Variants in ATXN1 observed in about 807,000 individuals in gnomAD.
The protein encoded by ATXN1 is ataxin 1, also known as ataxin-1.
Under a neutral mutation model 56.4 loss-of-function variants are expected in ATXN1, and 8 were observed. The ratio of observed to expected loss-of-function variants is 0.14; its 90% CI spans 0.08 to 0.26. The LOEUF is 0.26. ATXN1 is among the 10% of genes least tolerant of loss of function. ATXN1 has a pLI of 1.00. For synonymous variants in ATXN1, 514 were observed against 494.6 expected (o/e 1.04, Z -0.52); for missense variants, 987 against 1,106.5 (o/e 0.89, Z 1.53).
intron 6 of ATXN1, among the ~76,000 whole-genome samples, chr6:16,480,123 G>A (rs1315169034): frequency 4.7e-5 from 6 of 126,944 alleles, no homozygotes; most frequent in Non-Finnish European, 3.1e-5. Flanking sequence ...CTGCCCTCCA[G>A]CCTGGGCAAC....
chr6:16,739,246 C>T (rs1373611016), intron 2 of ATXN1: 1 of 151,232 alleles, frequency 6.6e-6, no homozygotes, highest in Non-Finnish European at 1.5e-5. Context: ...TAAAATAAGC[C>T]CTGCTATTTA....
intron 5 of ATXN1, among the ~76,000 whole-genome samples, chr6:16,521,072 G>A (rs1398739512): frequency 6.6e-6 from 1 of 152,144 alleles, no homozygotes; most frequent in Non-Finnish European, 1.5e-5. Flanking sequence ...AGTGCACTTA[G>A]TTCACCAACC....
At chr6:16,386,138 T>C (rs542258416) in intron 6 of ATXN1, among the ~76,000 whole-genome samples, 2 of 152,332 alleles carry the variant, frequency 1.3e-5, no homozygotes, top group Admixed American at 6.5e-5. Context: ...ATCATTATTA[T>C]TTTTTCCAGC....
chr6:16,650,828 C>G (rs1248188827), intron 3 of ATXN1, among the ~76,000 whole-genome samples: 1 of 152,138 alleles, frequency 6.6e-6, no homozygotes, highest in Non-Finnish European at 1.5e-5. Context: ...CGTCGTTTTC[C>G]TTTTTCTGTC....
At chr6:16,452,938 G>A (rs1581772950) in intron 6 of ATXN1, among the ~76,000 whole-genome samples, 1 of 152,258 alleles carries the variant, frequency 6.6e-6, no homozygotes, top group East Asian at 1.9e-4. Context: ...TTTTTTAAAA[G>A]GTTTAGGAAT....
chr6:16,494,211 G>A (rs1170023694), intron 5 of ATXN1, among the ~76,000 whole-genome samples: 1 of 152,162 alleles, frequency 6.6e-6, no homozygotes, highest in Non-Finnish European at 1.5e-5. Flanking sequence ...AGGTCAGCGT[G>A]GGAGGTAGGC....
At chr6:16,554,050 A>G (rs1761968030) in intron 4 of ATXN1, among the ~76,000 whole-genome samples, 1 of 152,238 alleles carries the variant, frequency 6.6e-6, no homozygotes, top group South Asian at 2.1e-4. Flanking sequence ...ATTTTAAAGA[A>G]GAAGATATCT....
intron 4 of ATXN1, among the ~76,000 whole-genome samples, chr6:16,575,518 A>G (rs1339360189): frequency 6.6e-6 from 1 of 152,154 alleles, no homozygotes; most frequent in African/African-American, 2.4e-5. Flanking sequence ...ATATTCTACC[A>G]TTTCAGAGCA....
intron 6 of ATXN1, among the ~76,000 whole-genome samples, chr6:16,402,731 A>T (rs1353924541): frequency 6.6e-6 from 1 of 152,174 alleles, no homozygotes; most frequent in East Asian, 1.9e-4. Flanking sequence ...AGGAGCAGAG[A>T]ACATCTGGTG....
At chr6:16,569,710 A>G (rs1762296924) in intron 4 of ATXN1, among the ~76,000 whole-genome samples, 1 of 152,120 alleles carries the variant, frequency 6.6e-6, no homozygotes, top group Non-Finnish European at 1.5e-5. Context: ...AGTTGTTGAA[A>G]AAACAGTTTC....
At chr6:16,432,887 A>C (rs1304167207) in intron 6 of ATXN1, 2 of 152,164 alleles carry the variant, frequency 1.3e-5, no homozygotes, top group African/African-American at 2.4e-5. Flanking sequence ...TCAATCTCTC[A>C]AAACTAATGT....
chr6:16,327,678 A>ATGCTGCTGCTGC lies in ATXN1; in HGVS notation c.632_633insGCAGCAGCAGCA (p.Gln210_His211insGlnGlnGlnGln), dbSNP rs1554138052. On this transcript the variant is annotated inframe_insertion, in exon 7 of 8. Coordinates refer to ENST00000436367, the MANE Select transcript of ATXN1 (RefSeq NM_001128164.2). ...GCTGCTGCTGCTGCTGCTGCTGCTGATGCTGATGCTGCTGCTGCTGCTGCT... is the reference window on the plus strand; with the variant it reads ...GCTGCTGCTGCTGCTGCTGCTGCTGATGCTGCTGCTGCTGCTGATGCTGCTGCTGCTGCTGCT... 7.1e-5 allele frequency: 72 copies of ATGCTGCTGCTGC among 1,011,338 alleles called. No homozygotes were observed. The African/African-American group carries it at 1.3e-3, about 18-fold the overall frequency. 62.6% of individuals were successfully genotyped at this position (1,011,338 alleles called of 1,614,324 possible). A position where few individuals can be genotyped will look rare whatever the true frequency, so the allele number is the denominator to read the frequency against.
intron 6 of ATXN1, among the ~76,000 whole-genome samples, chr6:16,343,189 G>T (rs1761295207): frequency 6.6e-6 from 1 of 152,096 alleles, no homozygotes; most frequent in Non-Finnish European, 1.5e-5. Flanking sequence ...CTAAAAAATA[G>T]AAAAAATTAG....
chr6:16,708,683 G>T (rs1024371715), intron 2 of ATXN1, among the ~76,000 whole-genome samples: 1 of 151,984 alleles, frequency 6.6e-6, no homozygotes, highest in Non-Finnish European at 1.5e-5. Context: ...AAAAGTGTGT[G>T]TACCTAGGAA....
rs1053319930 is a variant in ATXN1 at position 16,462,735 on chromosome 6, G to A, written c.-161+23237C>T. Among the ~76,000 whole-genome samples, 41 of 152,048 alleles carry A rather than the reference G, an allele frequency of 2.7e-4. 1 individual carries two copies. The highest frequency in any genetic ancestry group is 9.4e-4 in the African/African-American group (39 of 41,382). The stretch of plus-strand genomic sequence containing the variant: ...TTCCAAGCCCCGTTATGCATCCAAC[G>A]CAACCTGTTATCAGGCCTGCCCCTG... On this transcript the variant is annotated intron_variant, in intron 6 of 7. Coordinates refer to ENST00000436367, the MANE Select transcript of ATXN1 (RefSeq NM_001128164.2).
intron 6 of ATXN1, among the ~76,000 whole-genome samples, chr6:16,438,315 G>A (rs1429043662): frequency 6.6e-6 from 1 of 152,206 alleles, no homozygotes. Context: ...TCTGCCATCT[G>A]AAAAGCAAAG....
Position 16,306,953 on chromosome 6 carries a change from G to T in ATXN1, c.1918-94C>A. The T allele has an allele frequency of 7.3e-7, 1 of 1,378,952 alleles. No individual in the cohort carries two copies. The highest frequency in any genetic ancestry group is 2.3e-5 in the East Asian group (1 of 42,626). The allele number at this position is 1,378,952 out of a possible 1,614,324, so 85.4% of individuals were successfully genotyped here. ...TGATTTTATGCACACACACAGGTAT[G>T]AACTCACACAGACACACACAGGCTG... On this transcript the variant is annotated intron_variant, in intron 7 of 7. Transcript: ENST00000436367. This position sits in a 1 kb window ranked among gnomAD's most constrained non-coding sequence, Gnocchi z 5.2.
intron 3 of ATXN1, among the ~76,000 whole-genome samples, chr6:16,655,884 G>C (rs1282717393): frequency 2.0e-5 from 3 of 151,856 alleles, no homozygotes; most frequent in East Asian, 3.9e-4. Flanking sequence ...GAGGTGAGGA[G>C]ATCGAGACCA....
intron 2 of ATXN1, among the ~76,000 whole-genome samples, chr6:16,699,580 G>C (rs190144733): frequency 2.0e-5 from 3 of 152,244 alleles, no homozygotes; most frequent in East Asian, 3.9e-4. Flanking sequence ...ACTGTTTGTG[G>C]GTCATAGTAA....
Sources: allele counts gnomAD v4.1 joint callset (sites outside exome capture counted in the v4.1 genomes callset), GRCh38; gene constraint gnomAD v4.1.1; non-coding constraint Gnocchi (gnomAD v3.1); transcripts MANE v1.5; gene names NCBI Gene and HGNC (gene_info 2026-07-23, HGNC 2026-07-21).